GASK1A: variants seen among roughly 807,000 people sequenced by gnomAD.
The protein encoded by GASK1A is golgi associated kinase 1A.
A neutral mutation model predicts 41.2 loss-of-function variants in GASK1A; 40 were observed. That is an observed-to-expected ratio of 0.97 (90% CI 0.75 to 1.27). The LOEUF (loss-of-function observed/expected upper bound fraction) is 1.27, where lower values mean the gene tolerates loss of function less well. GASK1A is among the 50% of genes most tolerant of loss of function. GASK1A has a pLI of 0.00. For missense variants in GASK1A, 678 were observed against 745.1 expected (o/e 0.91, Z 1.05); for synonymous variants, 316 against 307.1 (o/e 1.03, Z -0.30).
chr3:42,985,569 GTGTGTGTGTGTGTGTGT>G (rs2089304295), intron 1 of GASK1A, among the ~76,000 whole-genome samples: 1 of 146,026 alleles, frequency 6.8e-6, no homozygotes, highest in African/African-American at 2.4e-5. Context: ...GTGTGTGTGT[GTGTGTGTGTGTGTGTGT>G]GGGCGGAGGC....
At chr3:42,996,374 A>G (rs2089369465) in intron 1 of GASK1A, among the ~76,000 whole-genome samples, 1 of 152,148 alleles carries the variant, frequency 6.6e-6, no homozygotes. Flanking sequence ...TATTTTTATG[A>G]TGGACAGGTC....
chr3:43,017,813 A>G (rs1385408908), intron 1 of GASK1A, among the ~76,000 whole-genome samples: 1 of 151,050 alleles, frequency 6.6e-6, no homozygotes, highest in Admixed American at 6.6e-5. Context: ...GTGAAGTCAC[A>G]GGAAGAGGCT....
intron 2 of GASK1A, among the ~76,000 whole-genome samples, chr3:43,038,943 G>T (rs1173878143): frequency 6.6e-6 from 1 of 151,908 alleles, no homozygotes; most frequent in Non-Finnish European, 1.5e-5. Flanking sequence ...ATGGATTGTG[G>T]TGTGGTGTAT....
chr3:43,038,139 A>G (rs2089614206), intron 2 of GASK1A, among the ~76,000 whole-genome samples: 1 of 152,204 alleles, frequency 6.6e-6, no homozygotes, highest in African/African-American at 2.4e-5. Context: ...AATCAACACA[A>G]TGTGTTCTGA....
At chr3:43,023,991 G>A (rs1156810745) in intron 1 of GASK1A, among the ~76,000 whole-genome samples, 1 of 152,158 alleles carries the variant, frequency 6.6e-6, no homozygotes, top group Non-Finnish European at 1.5e-5. Context: ...TGTCTGCTGT[G>A]GGGGCAGCTG....
At chr3:43,040,877 C>CCA (rs920068284) in intron 2 of GASK1A, among the ~76,000 whole-genome samples, 1 of 28,570 alleles carries the variant, frequency 3.5e-5, no homozygotes, top group African/African-American at 6.2e-5. Flanking sequence ...TGCTATCCCT[C>CCA]CCCCCCGCCA....
chr3:42,982,953 T>G (rs551658), intron 1 of GASK1A, among the ~76,000 whole-genome samples: 115,369 of 152,052 alleles, frequency 0.76, 44,358 homozygotes, highest in East Asian at 1. Flanking sequence ...AGAGGACAAG[T>G]AGCTGAAGCT....
intron 1 of GASK1A, among the ~76,000 whole-genome samples, chr3:43,026,837 G>A (rs1361068152): frequency 6.6e-6 from 1 of 152,136 alleles, no homozygotes; most frequent in Non-Finnish European, 1.5e-5. Flanking sequence ...TCATGGAATG[G>A]AAGAAATATT....
intron 1 of GASK1A, among the ~76,000 whole-genome samples, chr3:42,992,851 C>T (rs1289104911): frequency 1.3e-5 from 2 of 152,184 alleles, no homozygotes; most frequent in Non-Finnish European, 2.9e-5. Flanking sequence ...TCCAGGGGTG[C>T]CTCGTGGTCA....
At chr3:43,012,364 C>T (rs1156375130) in intron 1 of GASK1A, among the ~76,000 whole-genome samples, 1 of 149,312 alleles carries the variant, frequency 6.7e-6, no homozygotes, top group Non-Finnish European at 1.5e-5. Flanking sequence ...CAGTGTGAAG[C>T]CACAGGAAGG....
rs2089301352 is a variant in GASK1A at position 42,984,997 on chromosome 3, T to C, written c.3+5352T>C. ...ACTGTTATCTCTCGAGGCAAGCTCC[T>C]GGTGGAAGGTAGCTCAGGCTCTGGA... On this transcript the variant is annotated intron_variant, in intron 1 of 4. Coordinates refer to ENST00000430121, the MANE Select transcript of GASK1A (RefSeq NM_001129908.3). The surrounding 1 kb of genome is among the most constrained non-coding windows in gnomAD (Gnocchi z 4.2). Among the ~76,000 whole-genome samples, 1 of 152,172 alleles carries C rather than the reference T, an allele frequency of 6.6e-6. No homozygotes were observed. The highest frequency in any genetic ancestry group is 2.1e-4 in the South Asian group (1 of 4,826).
intron 1 of GASK1A, among the ~76,000 whole-genome samples, chr3:43,028,220 G>T (rs2089554981): frequency 6.6e-6 from 1 of 152,218 alleles, no homozygotes; most frequent in South Asian, 2.1e-4. Context: ...TAAAGAGGCT[G>T]TTCTAACAGT....
At chr3:42,995,741 C>G (rs894175713) in intron 1 of GASK1A, among the ~76,000 whole-genome samples, 30 of 152,328 alleles carry the variant, frequency 2.0e-4, no homozygotes, top group African/African-American at 7.2e-4. Flanking sequence ...GCTCCCCTCC[C>G]CTTCTTCTCT....
At chr3:42,994,532 C>G (rs1375709080) in intron 1 of GASK1A, among the ~76,000 whole-genome samples, 2 of 152,052 alleles carry the variant, frequency 1.3e-5, no homozygotes, top group African/African-American at 4.8e-5. Flanking sequence ...GAGGGAACTT[C>G]CATTTCTGGA....
chr3:43,032,460 C>T lies in GASK1A; in HGVS notation c.197C>T (p.Ser66Phe). 1 of 1,551,204 alleles carries T rather than the reference C, an allele frequency of 6.4e-7. No individual in the cohort carries two copies. ...ACCCATATCCGGCAGGCTTTGAGCT[C>T]CAGCCGGAGGCAGCGGGCAAGAAAC... ...PATHIRQALS[S>F]SRRQRARNMG... The change falls in exon 2 of 5, where the codon TCC becomes TTC. Residue 66 changes from serine to phenylalanine, a missense_variant. Ser to Phe is a radical substitution (Grantham distance 155). Transcript: ENST00000430121.
At chr3:43,004,279 A>T (rs554793367) in intron 1 of GASK1A, among the ~76,000 whole-genome samples, 121 of 152,236 alleles carry the variant, frequency 7.9e-4, no homozygotes, top group Admixed American at 1.3e-3. Flanking sequence ...TTCATTGGCC[A>T]AGGAGACGTT....
At chr3:43,017,265 G>A (rs1398218168) in intron 1 of GASK1A, among the ~76,000 whole-genome samples, 1 of 151,952 alleles carries the variant, frequency 6.6e-6, no homozygotes, top group Non-Finnish European at 1.5e-5. Context: ...GTCACAGGAA[G>A]GGGCAATGTG....
intron 2 of GASK1A, among the ~76,000 whole-genome samples, chr3:43,033,947 A>G (rs1398426699): frequency 6.6e-6 from 1 of 152,176 alleles, no homozygotes; most frequent in Non-Finnish European, 1.5e-5. Flanking sequence ...AATGCTAGCT[A>G]ATGGTGTGCC....
At chr3:42,987,317 G>A (rs1336797714) in intron 1 of GASK1A, among the ~76,000 whole-genome samples, 1 of 152,226 alleles carries the variant, frequency 6.6e-6, no homozygotes, top group African/African-American at 2.4e-5. Context: ...GGAGAGGAAG[G>A]GGAAGGGGTG....
Sources: gnomAD v4.1 joint callset for allele counts (sites outside exome capture counted in the v4.1 genomes callset) on GRCh38, gnomAD v4.1.1 for gene constraint, Gnocchi (gnomAD v3.1) non-coding constraint, MANE v1.5 for transcripts, NCBI Gene and HGNC (gene_info 2026-07-23, HGNC 2026-07-21) for gene names.